SAMD14: variants seen among roughly 807,000 people sequenced by gnomAD.
SAMD14 encodes the protein sterile alpha motif domain-containing protein 14.
A neutral mutation model predicts 46.2 loss-of-function variants in SAMD14; 27 were observed. The ratio of observed to expected loss-of-function variants is 0.58; its 90% CI spans 0.43 to 0.81. The LOEUF (loss-of-function observed/expected upper bound fraction) is 0.81, where lower values mean the gene tolerates loss of function less well. SAMD14 is among the 30% of genes least tolerant of loss of function. The pLI is 0.00. For missense variants in SAMD14, 559 were observed against 582.2 expected (o/e 0.96, Z 0.41); for synonymous variants, 241 against 254.3 (o/e 0.95, Z 0.50).
rs1264898555 is a variant in SAMD14 at position 50,111,402 on chromosome 17, G to A, written c.*1491C>T. ...GTGGGCACCCACTATAGCTACTGAT[G>A]GCTTTAAGGATGTGGGTGCCTTCCA... On this transcript the variant is annotated 3_prime_UTR_variant, in exon 10 of 10. Coordinates refer to ENST00000330175, the MANE Select transcript of SAMD14 (RefSeq NM_001257359.2). 1 of 152,260 alleles carries A rather than the reference G, an allele frequency of 6.6e-6. No homozygotes were observed. Among genetic ancestry groups the A allele is most frequent in the African/African-American group, 2.4e-5 (1 of 41,446 alleles). The allele number at this position is 152,260 out of a possible 1,614,324, so 9.4% of individuals were successfully genotyped here. A position where few individuals can be genotyped will look rare whatever the true frequency, so the allele number is the denominator to read the frequency against.
intron 1 of SAMD14, among the ~76,000 whole-genome samples, chr17:50,128,720 G>A (rs989486905): frequency 3.9e-5 from 6 of 152,134 alleles, no homozygotes; most frequent in Admixed American, 2.6e-4. Flanking sequence ...GGGAGGGAGC[G>A]GGAGCGGGAG....
intron 2 of SAMD14, among the ~76,000 whole-genome samples, chr17:50,123,322 A>G (rs1456766294): frequency 6.6e-6 from 1 of 152,206 alleles, no homozygotes; most frequent in Non-Finnish European, 1.5e-5. Context: ...CTCTCATTGT[A>G]TGGATGGGAA....
At position 50,113,916 on chromosome 17, in the gene SAMD14, T is replaced by C. The variant is rs530498808; in HGVS notation, c.1098+8A>G. On this transcript the variant is annotated splice_region_variant and intron_variant, in intron 9 of 9. Transcript: ENST00000330175. The stretch of plus-strand genomic sequence containing the variant: ...GGGCTGGGTCATGGCCCTTCCACTC[T>C]GACCCACCTTTAGTTTGCTTCCGTC... 35 of 1,613,768 alleles carry C rather than the reference T, an allele frequency of 2.2e-5. No homozygotes were observed. The East Asian group carries it at 3.8e-4, about 17-fold the overall frequency.
intron 2 of SAMD14, among the ~76,000 whole-genome samples, chr17:50,120,478 G>A (rs546850858): frequency 2.1e-4 from 32 of 152,222 alleles, no homozygotes; most frequent in Admixed American, 5.2e-4. Flanking sequence ...TCTTCCTTCC[G>A]TCTCCCTTTC....
In SAMD14 at chr17:50,112,090, T is replaced by C. The variant is rs1002516805; in HGVS notation, c.*803A>G. ...GCTCAGCTCCCAAAGAGGACTTAGG[T>C]GCCCTCTGAGGAAGCAGCAGGAAGT... On this transcript the variant is annotated 3_prime_UTR_variant, in exon 10 of 10. Transcript: ENST00000330175. 4.6e-5 allele frequency: 7 copies of C among 152,372 alleles called. No individual in the cohort carries two copies. The highest frequency in any genetic ancestry group is 3.9e-4 in the Admixed American group (6 of 15,296). The allele number at this position is 152,372 out of a possible 1,614,324, so 9.4% of individuals were successfully genotyped here.
At position 50,118,195 on chromosome 17, in the gene SAMD14, TCC is replaced by T; in HGVS notation, c.174_175del (p.Glu59GlyfsTer3). The T allele has an allele frequency of 5.6e-6, 9 of 1,608,910 alleles. No homozygotes were observed. Among genetic ancestry groups the T allele is most frequent in the Non-Finnish European group, 7.7e-6 (9 of 1,176,434 alleles). On this transcript the variant is annotated frameshift_variant, in exon 3 of 10. Transcript: ENST00000330175. LOFTEE classifies it high-confidence loss of function. Reference sequence around the variant, plus strand: ...GGGCCCATCCGAGCCTTCACCATCCTCCGCGGAGCTGGCACTGTCCCGAAGCC... The same window carrying T: ...GGGCCCATCCGAGCCTTCACCATCCTGCGGAGCTGGCACTGTCCCGAAGCC...
intron 2 of SAMD14, among the ~76,000 whole-genome samples, chr17:50,123,231 AGACG>A (rs2144411808): frequency 6.6e-6 from 1 of 152,374 alleles, no homozygotes; most frequent in South Asian, 2.1e-4. Flanking sequence ...GGTTACAGAC[AGACG>A]GTCTAGCTCT....
At chr17:50,114,738 A>C (rs1014973940) in intron 7 of SAMD14, 5 of 271,520 alleles carry the variant, frequency 1.8e-5, no homozygotes, top group Non-Finnish European at 2.8e-5. Flanking sequence ...TATCTTGTTC[A>C]TCATGGTGTC....
chr17:50,116,698 C>G (rs769682451), intron 4 of SAMD14, among the ~76,000 whole-genome samples: 1 of 151,898 alleles, frequency 6.6e-6, no homozygotes, highest in Non-Finnish European at 1.5e-5. Flanking sequence ...TGAGCCACTG[C>G]ACTCGGCCTA....
chr17:50,126,792 G>C (rs187476599), intron 1 of SAMD14, among the ~76,000 whole-genome samples: 1 of 151,962 alleles, frequency 6.6e-6, no homozygotes, highest in Non-Finnish European at 1.5e-5. Context: ...AACATAGTGA[G>C]ACCCTCATCT....
rs762613865 is a variant in SAMD14, at chr17:50,116,099, G to A, written c.500-9C>T. On this transcript the variant is annotated splice_polypyrimidine_tract_variant and intron_variant, in intron 4 of 9. Coordinates refer to ENST00000330175, the MANE Select transcript of SAMD14 (RefSeq NM_001257359.2). ...GGCGTCACGGCTGTCATCTTTCCAG[G>A]GAGAGAAGGAAGGAAACTGCCTGTT... 8 of 1,609,780 alleles carry A rather than the reference G, an allele frequency of 5.0e-6. No individual in the cohort carries two copies. The South Asian group carries it at 7.7e-5, about 16-fold the overall frequency.
Position 50,110,169 on chromosome 17 carries a change from C to T in SAMD14, c.*2724G>A. 2 of 1,466,234 alleles carry T rather than the reference C, an allele frequency of 1.4e-6. No homozygotes were observed. The highest frequency in any genetic ancestry group is 1.8e-6 in the Non-Finnish European group (2 of 1,096,402). The allele number at this position is 1,466,234 out of a possible 1,614,324, so 90.8% of individuals were successfully genotyped here. A position where few individuals can be genotyped will look rare whatever the true frequency, so the allele number is the denominator to read the frequency against. On this transcript the variant is annotated 3_prime_UTR_variant, in exon 10 of 10. Coordinates refer to ENST00000330175, the MANE Select transcript of SAMD14 (RefSeq NM_001257359.2). ...GTCCCCCCACCGTGGTGCCCCTCAC[C>T]ATCCTCCTGGGGGAGCAGGGGGTGG...
chr17:50,128,668 A>G (rs1199786356), intron 1 of SAMD14, among the ~76,000 whole-genome samples: 1 of 152,132 alleles, frequency 6.6e-6, no homozygotes, highest in African/African-American at 2.4e-5. Flanking sequence ...GCCTCTTGGG[A>G]CCCAGGAGAA....
intron 7 of SAMD14, chr17:50,114,629 C>T: frequency 1.7e-6 from 1 of 575,344 alleles, no homozygotes; most frequent in Non-Finnish European, 3.0e-6. Flanking sequence ...GGTGTCTCTG[C>T]TATGCGCCTC....
intron 1 of SAMD14, among the ~76,000 whole-genome samples, chr17:50,126,002 C>T (rs1911750548): frequency 6.6e-6 from 1 of 152,144 alleles, no homozygotes; most frequent in African/African-American, 2.4e-5. Flanking sequence ...AATAGGCTTT[C>T]AAGCAGATGT....
rs928258263 is a variant in SAMD14, at chr17:50,117,542, A to G, written c.364T>C (p.Tyr122His). 9 of 1,552,002 alleles carry G rather than the reference A, an allele frequency of 5.8e-6. No homozygotes were observed. The highest frequency in any genetic ancestry group is 1.4e-5 in the African/African-American group (1 of 71,318). ...GACGCAGCGTTGTGCAGGGGCCGGTAGCGTGTGAGCGGCGAGGGCGGCGGC... is the reference window on the plus strand; with the variant it reads ...GACGCAGCGTTGTGCAGGGGCCGGTGGCGTGTGAGCGGCGAGGGCGGCGGC... The part of the protein sequence containing the change: ...DEPPPSPLTR[Y>H]RPLHNAASHE... Residue 122 changes from tyrosine to histidine, a missense_variant, in exon 4 of 10, where the codon TAC becomes CAC. Physicochemically the swap from Tyr to His is moderately conservative, Grantham distance 83. Coordinates refer to ENST00000330175, the MANE Select transcript of SAMD14 (RefSeq NM_001257359.2).
chr17:50,127,163 T>C (rs9889751), intron 1 of SAMD14, among the ~76,000 whole-genome samples: 9 of 151,438 alleles, frequency 5.9e-5, no homozygotes, highest in African/African-American at 2.2e-4. Flanking sequence ...ATAATAATAA[T>C]AAAAGAGGCA....
Position 50,112,702 on chromosome 17 carries a change from T to C in SAMD14, c.*191A>G. 1 of 607,886 alleles carries C rather than the reference T, an allele frequency of 1.6e-6. No homozygotes were observed. The highest frequency in any genetic ancestry group is 2.8e-6 in the Non-Finnish European group (1 of 359,538). 37.7% of individuals were successfully genotyped at this position (607,886 alleles called of 1,614,324 possible). ...AAATAGGATTTATTACTAGGCCCTC[T>C]CCCTGGGGTCTCCCTTTCTGGGGTC... On this transcript the variant is annotated 3_prime_UTR_variant, in exon 10 of 10. Transcript: ENST00000330175.
chr17:50,115,416 G>T lies in SAMD14; in HGVS notation c.822+148C>A. 1 of 729,324 alleles carries T rather than the reference G, an allele frequency of 1.4e-6. No individual in the cohort carries two copies. Among genetic ancestry groups the T allele is most frequent in the South Asian group, 2.5e-5 (1 of 40,442 alleles). 45.2% of individuals were successfully genotyped at this position (729,324 alleles called of 1,614,324 possible). ...GAGTGAACGAATGAATTCAGAGAAT[G>T]CATGAAGTAACGGATCACTGCATGG... On this transcript the variant is annotated intron_variant, in intron 7 of 9. Coordinates refer to ENST00000330175, the MANE Select transcript of SAMD14 (RefSeq NM_001257359.2). This position sits in a 1 kb window ranked among gnomAD's most constrained non-coding sequence, Gnocchi z 5.3.
Sources: allele counts gnomAD v4.1 joint callset (sites outside exome capture counted in the v4.1 genomes callset), GRCh38; gene constraint gnomAD v4.1.1; non-coding constraint Gnocchi (gnomAD v3.1); transcripts MANE v1.5; gene names NCBI Gene and HGNC (gene_info 2026-07-23, HGNC 2026-07-21).